Variants in TENM2 observed in about 807,000 individuals in gnomAD.
The protein encoded by TENM2 is teneurin-2.
A neutral mutation model predicts 245.2 loss-of-function variants in TENM2; 52 were observed. That is an observed-to-expected ratio of 0.21 (90% CI 0.17 to 0.27). The LOEUF (loss-of-function observed/expected upper bound fraction) is 0.27, where lower values mean the gene tolerates loss of function less well. TENM2 is among the 10% of genes least tolerant of loss of function. The pLI, the probability that TENM2 is intolerant of heterozygous loss-of-function variation, is 1.00. For synonymous variants in TENM2, 1,363 were observed against 1,438.9 expected (o/e 0.95, Z 1.19); for missense variants, 3,046 against 3,666.8 (o/e 0.83, Z 4.37).
the TENM2 span, among the ~76,000 whole-genome samples, chr5:167,251,546 A>G: frequency 6.6e-6 from 1 of 152,188 alleles, no homozygotes; most frequent in African/African-American, 2.4e-5. Flanking sequence ...AGCAAGCACA[A>G]GCTAAGGCAT....
chr5:167,623,954 T>G (rs1398498461), intron 2 of TENM2, among the ~76,000 whole-genome samples: 1 of 152,116 alleles, frequency 6.6e-6, no homozygotes, highest in Non-Finnish European at 1.5e-5. Context: ...AAAAGAGAAC[T>G]CTTATACGCT....
At chr5:167,094,985 C>G in the TENM2 span, among the ~76,000 whole-genome samples, 5 of 152,116 alleles carry the variant, frequency 3.3e-5, no homozygotes, top group African/African-American at 4.8e-5. Context: ...AAGACATGGT[C>G]CCTACCTTTG....
intron 2 of TENM2, among the ~76,000 whole-genome samples, chr5:167,602,179 T>C (rs1183045553): frequency 1.3e-5 from 2 of 152,226 alleles, no homozygotes; most frequent in East Asian, 3.8e-4. Flanking sequence ...TTTGTAGTAC[T>C]GAGAATAATA....
At chr5:166,999,879 G>T in the TENM2 span, among the ~76,000 whole-genome samples, 1 of 151,510 alleles carries the variant, frequency 6.6e-6, no homozygotes, top group East Asian at 1.9e-4. Flanking sequence ...CTTGAGAGAA[G>T]AGAGGAAGGA....
intron 2 of TENM2, among the ~76,000 whole-genome samples, chr5:167,419,855 T>C (rs1462158897): frequency 6.6e-6 from 1 of 152,128 alleles, no homozygotes; most frequent in Non-Finnish European, 1.5e-5. Context: ...AAAAGGCAAA[T>C]TGTAAGTAAC....
rs561371138 is a variant in TENM2 at position 168,086,217 on chromosome 5, C to T, written c.1516-4357C>T. Among the ~76,000 whole-genome samples the T allele has an allele frequency of 7.2e-5, 11 of 152,296 alleles. 1 individual carries two copies. The highest frequency in any genetic ancestry group is 2.6e-4 in the African/African-American group (11 of 41,570). ...TTCTGGGAAAGTAACAGCCCCCGCT[C>T]CACGGTCTAGGCTCTGCTGCTCTCC... On this transcript the variant is annotated intron_variant, in intron 7 of 28. Coordinates refer to ENST00000518659, the Ensembl canonical transcript of TENM2.
the TENM2 span, among the ~76,000 whole-genome samples, chr5:167,247,793 G>A: frequency 6.6e-6 from 1 of 152,062 alleles, no homozygotes; most frequent in South Asian, 2.1e-4. Context: ...TTAGGGGATG[G>A]CATGGAAGAA....
the TENM2 span, among the ~76,000 whole-genome samples, chr5:167,100,339 G>C: frequency 6.6e-6 from 1 of 152,118 alleles, no homozygotes; most frequent in African/African-American, 2.4e-5. Flanking sequence ...GGCAATGGGA[G>C]GAGGTGATGC....
chr5:168,002,214 G>A (rs562460454), intron 5 of TENM2, among the ~76,000 whole-genome samples: 2 of 152,310 alleles, frequency 1.3e-5, no homozygotes, highest in South Asian at 4.1e-4. Context: ...TGTTAGGGAA[G>A]GCCCTTCCCT....
intron 3 of TENM2, among the ~76,000 whole-genome samples, chr5:167,903,213 G>A: frequency 6.6e-6 from 1 of 152,142 alleles, no homozygotes; most frequent in Admixed American, 6.5e-5. Flanking sequence ...CATCCATTCA[G>A]CTAATAATAA....
chr5:167,216,933 A>C, the TENM2 span, among the ~76,000 whole-genome samples: 1 of 152,300 alleles, frequency 6.6e-6, no homozygotes, highest in Non-Finnish European at 1.5e-5. Context: ...TCTCAAAAAA[A>C]AAAAGACACC....
Position 167,957,562 on chromosome 5 carries a change from T to A in TENM2, c.947+4740T>A, listed in dbSNP as rs536340660. On this transcript the variant is annotated intron_variant, in intron 4 of 28. Transcript: ENST00000518659. ...GCTTCTCTAGTTCTTTGAATTGTGATGTTAGGGTGTCGATTTTAGATTGTT... is the reference window on the plus strand; with the variant it reads ...GCTTCTCTAGTTCTTTGAATTGTGAAGTTAGGGTGTCGATTTTAGATTGTT... Among the ~76,000 whole-genome samples, 286 of 152,332 alleles carry A rather than the reference T, an allele frequency of 1.9e-3. 4 individuals are homozygous for A. Among genetic ancestry groups the A allele is most frequent in the African/African-American group, 6.6e-3 (273 of 41,560 alleles).
chr5:167,173,144 G>A, the TENM2 span, among the ~76,000 whole-genome samples: 1 of 152,146 alleles, frequency 6.6e-6, no homozygotes, highest in South Asian at 2.1e-4. Flanking sequence ...CGACACATAG[G>A]GTTGTTCTGA....
chr5:167,465,604 C>A (rs1302968506), intron 2 of TENM2, among the ~76,000 whole-genome samples: 1 of 152,158 alleles, frequency 6.6e-6, no homozygotes, highest in Non-Finnish European at 1.5e-5. Context: ...CCGAGGCAGG[C>A]GGATCACGAG....
chr5:168,156,821 T>G (rs1757229505), intron 12 of TENM2, among the ~76,000 whole-genome samples: 1 of 152,116 alleles, frequency 6.6e-6, no homozygotes. Flanking sequence ...GTTCATCATT[T>G]CCCCCAACTA....
At chr5:168,096,583 G>C (rs2152272071) in intron 8 of TENM2, among the ~76,000 whole-genome samples, 1 of 152,322 alleles carries the variant, frequency 6.6e-6, no homozygotes, top group East Asian at 1.9e-4. Flanking sequence ...AAACACTGTA[G>C]AAAGAAAACA....
chr5:167,794,609 A>G (rs1765197720), intron 2 of TENM2, among the ~76,000 whole-genome samples: 1 of 152,208 alleles, frequency 6.6e-6, no homozygotes, highest in South Asian at 2.1e-4. Context: ...AGTTTGAAGG[A>G]AGGAGAAAGA....
At chr5:167,908,899 A>G (rs1242407215) in intron 3 of TENM2, among the ~76,000 whole-genome samples, 1 of 151,976 alleles carries the variant, frequency 6.6e-6, no homozygotes, top group Non-Finnish European at 1.5e-5. Flanking sequence ...AGCTTTCCTT[A>G]GTTCAGCATT....
the TENM2 span, among the ~76,000 whole-genome samples, chr5:167,169,243 A>G: frequency 6.6e-6 from 1 of 152,132 alleles, no homozygotes; most frequent in African/African-American, 2.4e-5. Flanking sequence ...GCAGTAGATC[A>G]CCAAGGTGAT....
Sources: allele counts gnomAD v4.1 joint callset (sites outside exome capture counted in the v4.1 genomes callset), GRCh38; gene constraint gnomAD v4.1.1; transcripts MANE v1.5; gene names NCBI Gene and HGNC (gene_info 2026-07-23, HGNC 2026-07-21).